DOP1B: variants seen among roughly 807,000 people sequenced by gnomAD.
DOP1B encodes DOP1 leucine zipper like protein B, also known as protein DOP1B.
In DOP1B, 174 loss-of-function variants were observed where a neutral mutation model predicts 233.5. The ratio of observed to expected loss-of-function variants is 0.75; its 90% CI spans 0.66 to 0.85. The LOEUF is 0.85. Ranked by LOEUF, DOP1B falls within the 40% of genes least tolerant of loss-of-function variation. The pLI is 0.00. For missense variants in DOP1B, 2,652 were observed against 2,846.6 expected, an observed-to-expected ratio of 0.93 and a Z score of 1.56; for synonymous variants, 1,190 against 1,185.6, an observed-to-expected ratio of 1.00 and a Z score of -0.08.
At chr21:36,181,833 A>G (rs1469123317) in intron 2 of DOP1B, among the ~76,000 whole-genome samples, 3 of 151,926 alleles carry the variant, frequency 2.0e-5, no homozygotes, top group Non-Finnish European at 4.4e-5. Context: ...CTCACCTTCC[A>G]TTTAATGGAA....
chr21:36,194,344 T>A (rs946058336), intron 2 of DOP1B, among the ~76,000 whole-genome samples: 4 of 152,184 alleles, frequency 2.6e-5, no homozygotes, highest in African/African-American at 9.7e-5. Context: ...TGAGTCAAGC[T>A]TACCTCTCTG....
intron 2 of DOP1B, among the ~76,000 whole-genome samples, chr21:36,190,950 G>A (rs2066226843): frequency 1.3e-5 from 2 of 152,180 alleles, no homozygotes; most frequent in South Asian, 4.1e-4. Context: ...CCCTGGACCT[G>A]CCGGGAGAGG....
intron 1 of DOP1B, among the ~76,000 whole-genome samples, chr21:36,163,511 G>C (rs1392745534): frequency 1.3e-5 from 2 of 152,280 alleles, no homozygotes; most frequent in Non-Finnish European, 2.9e-5. Context: ...CTTCAGTTCA[G>C]TTTCTTCCAT....
At chr21:36,282,731 T>C (rs1174030711) in intron 32 of DOP1B, among the ~76,000 whole-genome samples, 3 of 152,130 alleles carry the variant, frequency 2.0e-5, no homozygotes, top group African/African-American at 7.2e-5. Context: ...ATCCCAGCAC[T>C]TTCAGAGGCC....
chr21:36,260,520 C>T (rs2067158422), intron 23 of DOP1B, among the ~76,000 whole-genome samples, 157 bp from the exon 24 acceptor site: 2 of 152,198 alleles, frequency 1.3e-5, no homozygotes, highest in African/African-American at 4.8e-5. Context: ...TTTAATTGTA[C>T]ATGATGGGCA....
chr21:36,279,549 G>A (rs911531911), intron 30 of DOP1B, among the ~76,000 whole-genome samples: 5 of 152,218 alleles, frequency 3.3e-5, no homozygotes, highest in East Asian at 1.9e-4. Flanking sequence ...CCAGAGGGCT[G>A]CTGGTGGCCC....
At chr21:36,288,716 A>G (rs751614172) in intron 33 of DOP1B, 40 bp from the exon 34 acceptor site, 4 of 1,453,648 alleles carry the variant, frequency 2.8e-6, no homozygotes, top group South Asian at 1.2e-5. Context: ...GGTAGATTTA[A>G]TCTGTCTCAG....
At chr21:36,288,246 A>T in intron 33 of DOP1B, 96 bp downstream of exon 33, 1 of 1,242,418 alleles carries the variant, frequency 8.0e-7, no homozygotes, top group Non-Finnish European at 1.1e-6. Flanking sequence ...ATCCCATTTT[A>T]TCTAAATGTT....
intron 15 of DOP1B, among the ~76,000 whole-genome samples, chr21:36,236,121 G>A (rs2066822960): frequency 6.6e-6 from 1 of 152,234 alleles, no homozygotes; most frequent in Non-Finnish European, 1.5e-5. Context: ...AGTCTATGAA[G>A]TATAAGAATG....
chr21:36,234,665 C>T (rs1345715002), intron 15 of DOP1B, among the ~76,000 whole-genome samples: 1 of 152,028 alleles, frequency 6.6e-6, no homozygotes, highest in Non-Finnish European at 1.5e-5. Context: ...CTCAGCTTCC[C>T]TGGTAGCTGG....
At chr21:36,216,475 A>G (rs1217739625) in intron 9 of DOP1B, among the ~76,000 whole-genome samples, 2 of 151,924 alleles carry the variant, frequency 1.3e-5, no homozygotes, top group Admixed American at 6.6e-5. Flanking sequence ...GCCAGGCATG[A>G]CAGTGCACAC....
chr21:36,205,741 C>G lies in DOP1B; in HGVS notation c.492-2974C>G, dbSNP rs369333345. 1.0e-3 allele frequency among the ~76,000 whole-genome samples: 154 copies of G among 151,238 alleles called. 1 individual carries two copies. Among genetic ancestry groups the G allele is most frequent in the Middle Eastern group, 3.4e-3 (1 of 294 alleles). ...GGGTTCCCAGTGGGGCATGGTGGCT[C>G]ATGCCTGTAATTCCAGCACTTTGGG... On this transcript the variant is annotated intron_variant, in intron 4 of 36. Coordinates refer to ENST00000691173, the MANE Select transcript of DOP1B (RefSeq NM_001320714.2).
chr21:36,239,869 G>A lies in DOP1B; in HGVS notation c.2981G>A (p.Arg994His), dbSNP rs774481718. Residue 994 changes from arginine to histidine, a missense_variant, in exon 18 of 37, where the codon CGC becomes CAC. This residue lies in a region of DOP1B where 2,617 missense variants were observed against 2,794.3 expected (regional missense o/e 0.94). Transcript: ENST00000691173. Reference sequence around the variant, plus strand: ...GCGCTCTCCCTCGGGGACGTGGCTCGCATCCTCGAACCCGTGCTCCTGCTG... The same window carrying A: ...GCGCTCTCCCTCGGGGACGTGGCTCACATCCTCGAACCCGTGCTCCTGCTG... The part of the protein sequence containing the change: ...VRALSLGDVA[R>H]ILEPVLLLLL... 1.9e-5 allele frequency: 31 copies of A among 1,599,114 alleles called. No individual in the cohort carries two copies. The highest frequency in any genetic ancestry group is 2.5e-5 in the Non-Finnish European group (29 of 1,174,830).
intron 2 of DOP1B, among the ~76,000 whole-genome samples, chr21:36,191,472 G>A (rs1474908276): frequency 1.3e-5 from 2 of 152,154 alleles, no homozygotes; most frequent in Admixed American, 1.3e-4. Context: ...GGAGGGGCTG[G>A]CGTGCAAGTG....
intron 16 of DOP1B, among the ~76,000 whole-genome samples, chr21:36,238,122 G>A (rs187316304): frequency 1.6e-4 from 24 of 152,284 alleles, no homozygotes; most frequent in South Asian, 2.1e-4. Flanking sequence ...AGCCGAGATC[G>A]CGCCACTGCA....
intron 31 of DOP1B, 55 bp from the exon 32 acceptor site, chr21:36,281,428 C>A: frequency 6.6e-7 from 1 of 1,504,460 alleles, no homozygotes; most frequent in South Asian, 1.3e-5. Context: ...TTTCCCATCA[C>A]TTCCCTCCAA....
At chr21:36,263,964 C>T in intron 26 of DOP1B, 150 bp downstream of exon 26, 6 of 850,600 alleles carry the variant, frequency 7.1e-6, no homozygotes, top group East Asian at 2.6e-5. Flanking sequence ...TCTGCCATCA[C>T]TGTCTCTAGA....
intron 15 of DOP1B, among the ~76,000 whole-genome samples, chr21:36,236,076 A>G (rs113146707): frequency 1.6e-4 from 24 of 152,360 alleles, no homozygotes; most frequent in Non-Finnish European, 2.8e-4. Context: ...AGTTATGCCT[A>G]AAATACTCCA....
At chr21:36,267,317 G>A (rs554867988) in intron 26 of DOP1B, among the ~76,000 whole-genome samples, 5 of 152,314 alleles carry the variant, frequency 3.3e-5, no homozygotes, top group Admixed American at 2.6e-4. Context: ...TTTCTAGGAA[G>A]AACCCGTGGT....
Sources: gnomAD v4.1 joint callset for allele counts (sites outside exome capture counted in the v4.1 genomes callset) on GRCh38, gnomAD v4.1.1 for gene constraint, gnomAD v4.1.1 regional missense constraint, MANE v1.5 for transcripts, NCBI Gene and HGNC (gene_info 2026-07-23, HGNC 2026-07-21) for gene names.